Variants in SMYD3 observed in about 807,000 individuals in gnomAD.
SMYD3 encodes histone-lysine N-methyltransferase SMYD3.
Under a neutral mutation model 57.7 loss-of-function variants are expected in SMYD3, and 36 were observed. That is an observed-to-expected ratio of 0.62 (90% CI 0.48 to 0.82). SMYD3 has a LOEUF of 0.82. Ranked by LOEUF, SMYD3 falls within the 40% of genes least tolerant of loss-of-function variation. The pLI is 0.00. For synonymous variants in SMYD3, 211 were observed against 195.0 expected (o/e 1.08, Z -0.68); for missense variants, 515 against 538.8 (o/e 0.96, Z 0.44).
intron 5 of SMYD3, among the ~76,000 whole-genome samples, chr1:246,245,699 C>T (rs111458578): frequency 6.6e-6 from 1 of 151,974 alleles, no homozygotes; most frequent in African/African-American, 2.4e-5. Context: ...TATGAATAAG[C>T]CTTATGACAT....
intron 5 of SMYD3, among the ~76,000 whole-genome samples, chr1:246,048,779 C>CA (rs60102397): frequency 0.048 from 6,521 of 137,068 alleles, 152 homozygotes; most frequent in Admixed American, 0.062. Flanking sequence ...GTATTTAAAG[C>CA]AAAAAAAAAA....
chr1:246,184,753 A>G lies in SMYD3; in HGVS notation c.531+142448T>C, dbSNP rs576220580. Among the ~76,000 whole-genome samples, 5 of 152,284 alleles carry G rather than the reference A, an allele frequency of 3.3e-5. No homozygotes were observed. In the South Asian group the frequency reaches 1.0e-3, roughly 32 times the overall value. On this transcript the variant is annotated intron_variant, in intron 5 of 11. Transcript: ENST00000490107. ...TTGCATGAGGAAGGGCCATGTGAGG[A>G]CTTAGCAAGGAGGCACCATCTGCAA...
At chr1:246,111,152 A>G (rs1279660927) in intron 5 of SMYD3, among the ~76,000 whole-genome samples, 2 of 152,106 alleles carry the variant, frequency 1.3e-5, no homozygotes, top group Non-Finnish European at 2.9e-5. Flanking sequence ...CATACCCTCT[A>G]CAATAGTTCA....
At chr1:246,223,069 A>G (rs866032551) in intron 5 of SMYD3, among the ~76,000 whole-genome samples, 3 of 152,172 alleles carry the variant, frequency 2.0e-5, no homozygotes, top group African/African-American at 7.2e-5. Flanking sequence ...TAATTTGTAG[A>G]TTCCTTCCTG....
intron 5 of SMYD3, among the ~76,000 whole-genome samples, chr1:245,931,904 AAATTATACAT>A (rs2056746637): frequency 6.6e-6 from 1 of 152,236 alleles, no homozygotes; most frequent in African/African-American, 2.4e-5. Context: ...ATCAGGAGCA[AAATTATACAT>A]ATATATTTGT....
At chr1:246,248,635 CCTTTT>C (rs1247109689) in intron 5 of SMYD3, among the ~76,000 whole-genome samples, 1,809 of 68,280 alleles carry the variant, frequency 0.026, 39 homozygotes, top group African/African-American at 0.073. Context: ...CTCTGACTTT[CCTTTT>C]TTTTTTTTTT....
chr1:246,323,921 T>G (rs1030941754), intron 5 of SMYD3, among the ~76,000 whole-genome samples: 1 of 151,678 alleles, frequency 6.6e-6, no homozygotes, highest in Non-Finnish European at 1.5e-5. Context: ...GTGTGAACTG[T>G]AAGTATTAAA....
chr1:246,109,326 G>A (rs2061186670), intron 5 of SMYD3, among the ~76,000 whole-genome samples: 1 of 152,070 alleles, frequency 6.6e-6, no homozygotes, highest in African/African-American at 2.4e-5. Context: ...TTTTATAAAT[G>A]GATTCATTAC....
At chr1:246,278,859 A>G (rs1184392615) in intron 5 of SMYD3, among the ~76,000 whole-genome samples, 1 of 152,242 alleles carries the variant, frequency 6.6e-6, no homozygotes, top group African/African-American at 2.4e-5. Context: ...AGATACCTAA[A>G]TGGTTAAAAA....
At chr1:245,830,477 A>G (rs149187365) in intron 10 of SMYD3, among the ~76,000 whole-genome samples, 5 of 152,238 alleles carry the variant, frequency 3.3e-5, no homozygotes, top group African/African-American at 1.2e-4. Context: ...TGCCCTTGAC[A>G]TGTGGGGATT....
chr1:246,329,685 CTTTAG>C (rs1386989739), intron 4 of SMYD3, among the ~76,000 whole-genome samples: 1 of 152,108 alleles, frequency 6.6e-6, no homozygotes, highest in East Asian at 1.9e-4. Context: ...TGCAGAAGCT[CTTTAG>C]TTTAATCAGA....
In SMYD3 at chr1:246,349,616, T is replaced by C. The variant is rs145738195; in HGVS notation, c.228+5415A>G. 2.1e-3 allele frequency among the ~76,000 whole-genome samples: 313 copies of C among 148,490 alleles called. 1 individual carries two copies. Among genetic ancestry groups the C allele is most frequent in the Middle Eastern group, 0.012 (3 of 260 alleles). On this transcript the variant is annotated intron_variant, in intron 2 of 11. Transcript: ENST00000490107. Reference sequence around the variant, plus strand: ...GAGAGAGATCCCATTTCTAAAACAATTTTTTTTAAAGAGAGGGAGCAGGAA... The same window carrying C: ...GAGAGAGATCCCATTTCTAAAACAACTTTTTTTAAAGAGAGGGAGCAGGAA...
In SMYD3 at chr1:246,409,024, G is replaced by C. The variant is rs906776409; in HGVS notation, c.165-53930C>G. Among the ~76,000 whole-genome samples, 4 of 119,892 alleles carry C rather than the reference G, an allele frequency of 3.3e-5. No homozygotes were observed. In the East Asian group the frequency reaches 6.6e-4, roughly 20 times the overall value. 78.7% of individuals were successfully genotyped at this position (119,892 alleles called of 152,430 possible). ...CATATCCTTCACCCACTTTTTGATGGGTTTTTTTTTCTTGTAAATTTGTTT... is the reference window on the plus strand; with the variant it reads ...CATATCCTTCACCCACTTTTTGATGCGTTTTTTTTTCTTGTAAATTTGTTT... On this transcript the variant is annotated intron_variant, in intron 1 of 11. Transcript: ENST00000490107.
chr1:245,780,363 C>T (rs1234488022), intron 10 of SMYD3, among the ~76,000 whole-genome samples: 1 of 152,144 alleles, frequency 6.6e-6, no homozygotes, highest in Non-Finnish European at 1.5e-5. Context: ...AGTGTTTATA[C>T]ATGCTACAAC....
intron 1 of SMYD3, among the ~76,000 whole-genome samples, chr1:246,418,767 G>A (rs769780802): frequency 3.7e-4 from 57 of 152,102 alleles, no homozygotes; most frequent in Non-Finnish European, 6.9e-4. Context: ...TCTGCTGGCC[G>A]ACGGCCTCCC....
chr1:246,002,797 T>G (rs2059101130), intron 5 of SMYD3, among the ~76,000 whole-genome samples: 2 of 152,014 alleles, frequency 1.3e-5, no homozygotes, highest in South Asian at 4.2e-4. Context: ...TCACCCAGCC[T>G]AGAGTGCAGT....
intron 5 of SMYD3, among the ~76,000 whole-genome samples, chr1:245,989,176 C>T (rs10802308): frequency 0.82 from 125,314 of 152,148 alleles, 52,663 homozygotes; most frequent in Admixed American, 0.89. Context: ...ACACTTCTGA[C>T]GACTGGTTTC....
intron 11 of SMYD3, among the ~76,000 whole-genome samples, chr1:245,761,687 C>A (rs940328281): frequency 1.3e-5 from 2 of 152,020 alleles, no homozygotes; most frequent in African/African-American, 4.8e-5. Flanking sequence ...TTTAACTGGA[C>A]CAGTCTAGAG....
chr1:246,429,733 T>C (rs1240838926), intron 1 of SMYD3, among the ~76,000 whole-genome samples: 1 of 152,196 alleles, frequency 6.6e-6, no homozygotes, highest in African/African-American at 2.4e-5. Context: ...AGGCACAGTG[T>C]CTGGGTCCTA....
Sources: allele counts gnomAD v4.1 joint callset (sites outside exome capture counted in the v4.1 genomes callset), GRCh38; gene constraint gnomAD v4.1.1; transcripts MANE v1.5; gene names NCBI Gene and HGNC (gene_info 2026-07-23, HGNC 2026-07-21).